The following ZFAND6 variants were observed in gnomAD, a reference collection of about 807,000 sequenced individuals.
ZFAND6 encodes the protein AN1-type zinc finger protein 6.
In ZFAND6, 12 loss-of-function variants were observed where a neutral mutation model predicts 24.5. The observed-to-expected ratio is 0.49, with a 90% confidence interval of 0.31 to 0.79. The LOEUF is 0.79. Ranked by LOEUF, ZFAND6 falls within the 30% of genes least tolerant of loss-of-function variation. The pLI is 0.04. For synonymous variants in ZFAND6, 92 were observed against 81.5 expected (o/e 1.13, Z -0.69); for missense variants, 207 against 245.9 (o/e 0.84, Z 1.06).
intron 5 of ZFAND6, among the ~76,000 whole-genome samples, chr15:80,124,025 T>C (rs1471261415): frequency 6.6e-6 from 1 of 152,252 alleles, no homozygotes; most frequent in Non-Finnish European, 1.5e-5. Context: ...AACGTAAATA[T>C]TCTAGTCCCA....
intron 2 of ZFAND6, among the ~76,000 whole-genome samples, chr15:80,117,907 G>C (rs972657778): frequency 6.6e-6 from 1 of 152,002 alleles, no homozygotes; most frequent in Non-Finnish European, 1.5e-5. Context: ...TAACTCACTA[G>C]TATTATTATG....
At chr15:80,064,875 A>G (rs1213925208) in intron 1 of ZFAND6, among the ~76,000 whole-genome samples, 2 of 151,742 alleles carry the variant, frequency 1.3e-5, no homozygotes, top group Non-Finnish European at 1.5e-5. Context: ...CAAGCAATTT[A>G]CCTGCCTTGG....
intron 2 of ZFAND6, among the ~76,000 whole-genome samples, chr15:80,107,301 G>A (rs2039383047): frequency 6.6e-6 from 1 of 152,170 alleles, no homozygotes; most frequent in Non-Finnish European, 1.5e-5. Flanking sequence ...TTAACTGTGA[G>A]AGTATGGTGA....
intron 1 of ZFAND6, among the ~76,000 whole-genome samples, chr15:80,067,409 C>T (rs1042671042): frequency 6.6e-6 from 1 of 152,094 alleles, no homozygotes. Flanking sequence ...TTCCTTGATG[C>T]CACAAAATAG....
intron 1 of ZFAND6, among the ~76,000 whole-genome samples, chr15:80,088,134 C>T (rs1391361948): frequency 2.6e-5 from 4 of 152,098 alleles, no homozygotes; most frequent in Admixed American, 2.6e-4. Context: ...CCCTTTATAG[C>T]TTTTTGTTTT....
In ZFAND6 at chr15:80,137,758, T is replaced by C. The variant is rs2040927557; in HGVS notation, c.*130T>C. On this transcript the variant is annotated 3_prime_UTR_variant, in exon 7 of 7. Coordinates refer to ENST00000261749, the MANE Select transcript of ZFAND6 (RefSeq NM_019006.4). ...TCATCGGAAGAATAGATTTTTGTTT[T>C]GGTTTTGTTTTGAAAATGACTCTGA... 2 of 1,065,462 alleles carry C rather than the reference T, an allele frequency of 1.9e-6. No homozygotes were observed. The highest frequency in any genetic ancestry group is 2.5e-6 in the Non-Finnish European group (2 of 794,050). The allele number at this position is 1,065,462 out of a possible 1,614,324, so 66.0% of individuals were successfully genotyped here.
In ZFAND6 at chr15:80,107,211, G is replaced by A. The variant is rs1162046671; in HGVS notation, c.-18+8633G>A. On this transcript the variant is annotated intron_variant, in intron 2 of 6. Transcript: ENST00000261749. The stretch of plus-strand genomic sequence containing the variant: ...GCCTGTGCAACAAGAGCAAAATTCC[G>A]TGTCAAAAAAAAAATAGATTTAGTA... Among the ~76,000 whole-genome samples, 4 of 150,734 alleles carry A rather than the reference G, an allele frequency of 2.7e-5. 1 individual carries two copies. The highest frequency in any genetic ancestry group is 9.7e-5 in the African/African-American group (4 of 41,070).
chr15:80,111,433 A>G (rs1392571471), intron 2 of ZFAND6: 2 of 440,598 alleles, frequency 4.5e-6, no homozygotes, highest in Non-Finnish European at 9.1e-6. Flanking sequence ...GACAGGTTTC[A>G]CATCCTGGGA....
chr15:80,093,323 C>G (rs1288064171), intron 1 of ZFAND6, among the ~76,000 whole-genome samples: 1 of 151,960 alleles, frequency 6.6e-6, no homozygotes, highest in Non-Finnish European at 1.5e-5. Flanking sequence ...TCTTTAGGAA[C>G]TTGAATTATT....
chr15:80,093,874 G>A (rs1382256856), intron 1 of ZFAND6, among the ~76,000 whole-genome samples: 1 of 152,084 alleles, frequency 6.6e-6, no homozygotes, highest in Non-Finnish European at 1.5e-5. Context: ...TTCGGGAAGG[G>A]TGCAGTAGAA....
chr15:80,085,386 A>G (rs2037929882), intron 1 of ZFAND6, among the ~76,000 whole-genome samples: 1 of 152,330 alleles, frequency 6.6e-6, no homozygotes, highest in African/African-American at 2.4e-5. Context: ...ATTTTTATTG[A>G]ATACATAAAT....
chr15:80,070,681 A>G (rs972069777), intron 1 of ZFAND6, among the ~76,000 whole-genome samples: 2 of 152,148 alleles, frequency 1.3e-5, no homozygotes, highest in African/African-American at 4.8e-5. Flanking sequence ...TATGATTCGT[A>G]TTTGTTTCAT....
intron 2 of ZFAND6, among the ~76,000 whole-genome samples, chr15:80,112,049 C>T (rs2039636047): frequency 6.6e-6 from 1 of 152,172 alleles, no homozygotes; most frequent in Non-Finnish European, 1.5e-5. Context: ...CACCTGAGGT[C>T]AGCAGTTCGA....
At chr15:80,059,902 C>T (rs2036226019) in intron 1 of ZFAND6, 93 bp downstream of exon 1, 3 of 151,116 alleles carry the variant, frequency 2.0e-5, no homozygotes. Flanking sequence ...AGGCGAGGCC[C>T]GCCCCCGGCC....
intron 2 of ZFAND6, among the ~76,000 whole-genome samples, chr15:80,118,611 A>C (rs1369151820): frequency 1.3e-5 from 2 of 152,136 alleles, no homozygotes; most frequent in Admixed American, 1.3e-4. Context: ...CTGTAGAAGA[A>C]AGAGGGTTCT....
chr15:80,069,488 T>C (rs1031047074), intron 1 of ZFAND6, among the ~76,000 whole-genome samples: 2 of 152,216 alleles, frequency 1.3e-5, no homozygotes, highest in Admixed American at 6.5e-5. Context: ...TGACCTCATA[T>C]GCCATTCATT....
chr15:80,086,019 GA>G (rs146081720), intron 1 of ZFAND6, among the ~76,000 whole-genome samples: 1 of 152,036 alleles, frequency 6.6e-6, no homozygotes, highest in Non-Finnish European at 1.5e-5. Context: ...ATTCATTGGT[GA>G]AAAAAATTTT....
At chr15:80,121,601 A>G in intron 3 of ZFAND6, 111 bp from the exon 4 acceptor site, 7 of 747,310 alleles carry the variant, frequency 9.4e-6, no homozygotes, top group Non-Finnish European at 9.8e-6. Context: ...TACATATTAA[A>G]AGAAAACCTC....
intron 1 of ZFAND6, among the ~76,000 whole-genome samples, chr15:80,091,855 G>T (rs1310182790): frequency 6.6e-6 from 1 of 152,074 alleles, no homozygotes; most frequent in African/African-American, 2.4e-5. Context: ...GCCCAGGCTG[G>T]TCTTGAACTC....
Sources: allele counts gnomAD v4.1 joint callset (sites outside exome capture counted in the v4.1 genomes callset), GRCh38; gene constraint gnomAD v4.1.1; transcripts MANE v1.5; gene names NCBI Gene and HGNC (gene_info 2026-07-23, HGNC 2026-07-21).